Variants in FGD3 observed in about 807,000 individuals in gnomAD.
The protein encoded by FGD3 is FYVE, RhoGEF and PH domain containing 3, also known as FYVE, RhoGEF and PH domain-containing protein 3.
A neutral mutation model predicts 71.8 loss-of-function variants in FGD3; 45 were observed. The observed-to-expected ratio is 0.63, with a 90% CI of 0.49 to 0.80. The LOEUF (loss-of-function observed/expected upper bound fraction) is 0.80. FGD3 is among the 30% of genes least tolerant of loss of function. The pLI is 0.00. For missense variants in FGD3, 844 were observed against 951.5 expected, an observed-to-expected ratio of 0.89 and a Z score of 1.49; for synonymous variants, 378 against 392.8, an observed-to-expected ratio of 0.96 and a Z score of 0.44.
chr9:93,029,552 T>C (rs1862275376), intron 14 of FGD3, among the ~76,000 whole-genome samples: 1 of 152,216 alleles, frequency 6.6e-6, no homozygotes, highest in Admixed American at 6.5e-5. Context: ...TAGTAAGTGC[T>C]GTGTTCCTCC....
At chr9:93,001,999 T>C (rs1860873724) in intron 3 of FGD3, among the ~76,000 whole-genome samples, 1 of 152,214 alleles carries the variant, frequency 6.6e-6, no homozygotes, top group African/African-American at 2.4e-5. Context: ...GGGGATAGTG[T>C]TCAGGCCACC....
intron 3 of FGD3, among the ~76,000 whole-genome samples, chr9:92,979,401 G>A (rs949907070): frequency 3.3e-5 from 5 of 152,166 alleles, no homozygotes; most frequent in South Asian, 4.1e-4. Flanking sequence ...TTAATGTGGT[G>A]TATTACATTA....
At position 93,020,440 on chromosome 9, in the gene FGD3, G is replaced by C. The variant is rs371213207; in HGVS notation, c.1494+16G>C. ...AGACATGCCTGTGAGTCAGTGGCCC[G>C]GGGTGCAGAGAGACCTCCAGGGGAC... On this transcript the variant is annotated intron_variant, in intron 13 of 17. Coordinates refer to ENST00000375482, the MANE Select transcript of FGD3 (RefSeq NM_001083536.2). 8 of 1,606,906 alleles carry C rather than the reference G, an allele frequency of 5.0e-6. No homozygotes were observed. Among genetic ancestry groups the C allele is most frequent in the Non-Finnish European group, 6.8e-6 (8 of 1,176,132 alleles).
chr9:93,004,264 C>T (rs1214770941), intron 5 of FGD3, 127 bp downstream of exon 5: 3 of 1,257,206 alleles, frequency 2.4e-6, no homozygotes, highest in East Asian at 4.7e-5. Flanking sequence ...CTTCTCTGCA[C>T]GGTCCTGGGT....
At chr9:92,974,898 G>A (rs1045746792) in intron 1 of FGD3, among the ~76,000 whole-genome samples, 3 of 152,232 alleles carry the variant, frequency 2.0e-5, no homozygotes, top group African/African-American at 7.2e-5. Flanking sequence ...ACACTGGACA[G>A]TGCCTGCATG....
At chr9:93,022,436 G>T in intron 14 of FGD3, 47 bp downstream of exon 14, 1 of 1,594,952 alleles carries the variant, frequency 6.3e-7, no homozygotes, top group East Asian at 2.2e-5. Context: ...AGGCAGAGCA[G>T]GGGGTCAGAC....
At chr9:93,033,350 TCTC>T (rs1369940581) in intron 16 of FGD3, 1 of 120,162 alleles carries the variant, frequency 8.3e-6, no homozygotes, top group African/African-American at 5.4e-5. Flanking sequence ...CCCGTCCCCT[TCTC>T]CTCTTCCTCT....
intron 15 of FGD3, among the ~76,000 whole-genome samples, chr9:93,030,930 G>A (rs1054488138): frequency 1.3e-5 from 2 of 152,120 alleles, no homozygotes; most frequent in African/African-American, 4.8e-5. Flanking sequence ...TATATAGGAA[G>A]TATAAATGGA....
intron 2 of FGD3, among the ~76,000 whole-genome samples, chr9:92,975,790 G>A (rs1370298321): frequency 6.6e-6 from 1 of 152,144 alleles, no homozygotes; most frequent in Non-Finnish European, 1.5e-5. Flanking sequence ...TGAGGAGGAG[G>A]AGGAGGAGGA....
intron 14 of FGD3, among the ~76,000 whole-genome samples, chr9:93,025,798 C>T (rs548699823): frequency 4.6e-5 from 7 of 152,226 alleles, no homozygotes; most frequent in Non-Finnish European, 1.0e-4. Flanking sequence ...GGGTGACACA[C>T]GAACCCCTCC....
chr9:93,034,552 T>C lies in FGD3; in HGVS notation c.1797T>C (p.Thr599=). The C allele has an allele frequency of 6.2e-6, 10 of 1,611,620 alleles. No individual in the cohort carries two copies. The highest frequency in any genetic ancestry group is 7.6e-6 in the Non-Finnish European group (9 of 1,178,872). The part of the protein sequence containing the change: ...VAPESTEKTP[T]ADPQPSLLCG... The stretch of plus-strand genomic sequence containing the variant: ...CTTTGTGTCCCCAGAAGACACCCAC[T>C]GCAGACCCCCAGCCCAGCCTGCTCT... The change falls in exon 17 of 18, where the codon ACT becomes ACC. Residue 599 remains threonine, a synonymous_variant. Transcript: ENST00000375482.
intron 16 of FGD3, chr9:93,033,265 C>T (rs1862428354): frequency 3.1e-6 from 1 of 323,234 alleles, no homozygotes; most frequent in Non-Finnish European, 6.1e-6. Flanking sequence ...GAGCAGGGCC[C>T]TGGAGGCAGG....
chr9:93,024,500 G>C (rs1257151538), intron 14 of FGD3, among the ~76,000 whole-genome samples: 4 of 152,244 alleles, frequency 2.6e-5, no homozygotes, highest in South Asian at 2.1e-4. Context: ...CCGGGCCCTG[G>C]GCCAGGCTTA....
At chr9:93,033,778 G>T (rs1047222464) in intron 16 of FGD3, 1 of 152,310 alleles carries the variant, frequency 6.6e-6, no homozygotes, top group South Asian at 2.1e-4. Context: ...TGATCGGGGG[G>T]TCAGTGTGTT....
At chr9:93,025,439 C>T (rs753671551) in intron 14 of FGD3, among the ~76,000 whole-genome samples, 7 of 152,212 alleles carry the variant, frequency 4.6e-5, no homozygotes, top group Non-Finnish European at 8.8e-5. Flanking sequence ...AGGGTAGGAG[C>T]TGGGACAGCT....
At chr9:92,968,329 G>A (rs900768237) in intron 1 of FGD3, among the ~76,000 whole-genome samples, 2 of 152,116 alleles carry the variant, frequency 1.3e-5, no homozygotes, top group Non-Finnish European at 1.5e-5. Flanking sequence ...GACTACAAAC[G>A]GGGAGGTGCT....
intron 1 of FGD3, among the ~76,000 whole-genome samples, chr9:92,948,464 C>A (rs1858896416): frequency 6.6e-6 from 1 of 152,190 alleles, no homozygotes. Flanking sequence ...CCATGTTGTC[C>A]CGGCTCTTTG....
intron 1 of FGD3, among the ~76,000 whole-genome samples, chr9:92,949,471 G>C (rs926410106): frequency 2.6e-5 from 4 of 152,176 alleles, no homozygotes; most frequent in African/African-American, 9.7e-5. Context: ...CATCATCCCT[G>C]CGTGTCCCTT....
At chr9:92,976,778 A>G (rs1859778462) in intron 3 of FGD3, 69 bp downstream of exon 3, 4 of 1,426,808 alleles carry the variant, frequency 2.8e-6, no homozygotes, top group Non-Finnish European at 3.7e-6. Flanking sequence ...TGAGATTTTC[A>G]GTGGGCGTCA....
Sources: allele counts gnomAD v4.1 joint callset (sites outside exome capture counted in the v4.1 genomes callset), GRCh38; gene constraint gnomAD v4.1.1; transcripts MANE v1.5; gene names NCBI Gene and HGNC (gene_info 2026-07-23, HGNC 2026-07-21).